Variants in PCNX2 observed in about 807,000 individuals in gnomAD.
PCNX2 encodes the protein pecanex-like protein 2.
In PCNX2, 168 loss-of-function variants were observed where a neutral mutation model predicts 223.8. The observed-to-expected ratio is 0.75, with a 90% confidence interval of 0.66 to 0.85. PCNX2 has a LOEUF of 0.85. Ranked by LOEUF, PCNX2 falls within the 40% of genes least tolerant of loss-of-function variation. The probability of loss-of-function intolerance (pLI) is 0.00; values close to 1 mark genes in which losing one functional copy is unlikely to be tolerated. For missense variants in PCNX2, 2,507 were observed against 2,675.5 expected (o/e 0.94, Z 1.39); for synonymous variants, 1,006 against 1,052.6 (o/e 0.96, Z 0.86).
chr1:233,004,716 C>A (rs779894783), intron 28 of PCNX2, among the ~76,000 whole-genome samples: 9 of 152,184 alleles, frequency 5.9e-5, no homozygotes, highest in Non-Finnish European at 8.8e-5. Flanking sequence ...TAGACCTGCA[C>A]ATCAGGGAAA....
At chr1:233,226,926 T>A (rs373721634) in intron 10 of PCNX2, among the ~76,000 whole-genome samples, 3 of 152,302 alleles carry the variant, frequency 2.0e-5, no homozygotes, top group African/African-American at 7.2e-5. Context: ...CAAACAAACC[T>A]TAAATACAAA....
rs190513204 is a variant in PCNX2, at chr1:233,014,985, G to A, written c.4840-208C>T. The stretch of plus-strand genomic sequence containing the variant: ...CGGAAAAAAAAATAAAAGTGGAAAA[G>A]TTATTTTAGGAGAGAAAAGGGCCTA... On this transcript the variant is annotated intron_variant, in intron 27 of 33. Coordinates refer to ENST00000258229, the MANE Select transcript of PCNX2 (RefSeq NM_014801.4). Among the ~76,000 whole-genome samples, 120 of 152,266 alleles carry A rather than the reference G, an allele frequency of 7.9e-4. 1 individual carries two copies. Among genetic ancestry groups the A allele is most frequent in the East Asian group, 1.3e-3 (7 of 5,186 alleles).
the PCNX2 span, among the ~76,000 whole-genome samples, chr1:233,327,301 G>A: frequency 6.6e-6 from 1 of 151,744 alleles, no homozygotes; most frequent in African/African-American, 2.4e-5. Context: ...GACCATGTGG[G>A]CGCGGCTCAC....
At chr1:233,268,982 C>T (rs1660491251) in intron 1 of PCNX2, among the ~76,000 whole-genome samples, 1 of 152,228 alleles carries the variant, frequency 6.6e-6, no homozygotes, top group Non-Finnish European at 1.5e-5. Flanking sequence ...AGGCCCAAGG[C>T]TGTGCATGGT....
chr1:233,193,174 G>A (rs887496657), intron 15 of PCNX2, among the ~76,000 whole-genome samples: 2 of 150,116 alleles, frequency 1.3e-5, no homozygotes, highest in Non-Finnish European at 3.0e-5. Flanking sequence ...ATAAATATTT[G>A]TTGATTTCTT....
chr1:233,219,110 T>A (rs1252274379), intron 10 of PCNX2, among the ~76,000 whole-genome samples: 2 of 151,934 alleles, frequency 1.3e-5, no homozygotes, highest in Non-Finnish European at 2.9e-5. Flanking sequence ...GGTGGGGTCA[T>A]CCAGAGGTGG....
intron 25 of PCNX2, among the ~76,000 whole-genome samples, chr1:233,043,466 T>C (rs1048332904): frequency 2.0e-5 from 3 of 152,110 alleles, no homozygotes; most frequent in African/African-American, 7.2e-5. Flanking sequence ...GCAGGTTAGT[T>C]ACATACTTAT....
intron 10 of PCNX2, among the ~76,000 whole-genome samples, chr1:233,220,562 T>C (rs1657307721): frequency 6.6e-6 from 1 of 152,220 alleles, no homozygotes; most frequent in South Asian, 2.1e-4. Context: ...TTTCATATGC[T>C]TATTTGTCAT....
chr1:233,032,845 T>C (rs1218706762), intron 25 of PCNX2: 3 of 410,550 alleles, frequency 7.3e-6, no homozygotes, highest in Admixed American at 6.4e-5. Flanking sequence ...CTGCCAACAG[T>C]TGAAAAGCTT....
intron 17 of PCNX2, chr1:233,167,636 A>G (rs1223434801): frequency 1.5e-6 from 1 of 676,396 alleles, no homozygotes. Flanking sequence ...TATAGTAACC[A>G]TTTTACTATC....
rs71173255 is a variant in PCNX2 at position 233,208,826 on chromosome 1, CAAAAAAAAAAAAAAA to C, written c.2692-152_2692-138del. 8 of 59,616 alleles carry C rather than the reference CAAAAAAAAAAAAAAA, an allele frequency of 1.3e-4. 2 individuals carry two copies. The East Asian group carries it at 2.5e-3, about 18-fold the overall frequency. The allele number at this position is 59,616 out of a possible 1,614,324, so 3.7% of individuals were successfully genotyped here. A position where few individuals can be genotyped will look rare whatever the true frequency, so the allele number is the denominator to read the frequency against. Reference sequence around the variant, plus strand: ...TCCCCCAAACACCACAATTCATATACAAAAAAAAAAAAAAAAAAAAAAAAACAGGAAAAAAAGAAA... The same window carrying C: ...TCCCCCAAACACCACAATTCATATACAAAAAAAAAACAGGAAAAAAAGAAA... On this transcript the variant is annotated intron_variant, in intron 12 of 33. Coordinates refer to ENST00000258229, the MANE Select transcript of PCNX2 (RefSeq NM_014801.4).
intron 17 of PCNX2, among the ~76,000 whole-genome samples, chr1:233,161,565 C>G (rs1323461194): frequency 6.6e-6 from 1 of 151,918 alleles, no homozygotes; most frequent in Non-Finnish European, 1.5e-5. Context: ...CTAAGGTGGG[C>G]TGGGGGAGAG....
Position 233,295,090 on chromosome 1 carries a change from C to A in PCNX2, c.153+236G>T, listed in dbSNP as rs773507646. ...CTCATCCTAACATCCGGCATCAATT[C>A]TTAATGAGTCCCCGAGCCCCCGCAG... On this transcript the variant is annotated intron_variant, in intron 1 of 33. Transcript: ENST00000258229. This position sits in a 1 kb window ranked among gnomAD's most constrained non-coding sequence, Gnocchi z 4.1. Among the ~76,000 whole-genome samples the A allele has an allele frequency of 2.6e-5, 4 of 152,176 alleles. No homozygotes were observed. The highest frequency in any genetic ancestry group is 6.5e-5 in the Admixed American group (1 of 15,286).
chr1:233,211,676 C>T (rs1681826289), intron 12 of PCNX2: 1 of 659,822 alleles, frequency 1.5e-6, no homozygotes, highest in South Asian at 6.8e-5. Context: ...GGACTGGAGC[C>T]CCATTTGCCT....
chr1:233,112,614 C>G (rs188575108), intron 21 of PCNX2, among the ~76,000 whole-genome samples: 5 of 152,362 alleles, frequency 3.3e-5, no homozygotes, highest in African/African-American at 1.2e-4. Flanking sequence ...AGAATTCTCT[C>G]TTTCAGCAGA....
upstream of PCNX2, among the ~76,000 whole-genome samples, chr1:233,297,011 A>G (rs747302497): frequency 2.0e-5 from 3 of 152,272 alleles, no homozygotes; most frequent in Non-Finnish European, 2.9e-5. Context: ...TCAAAATGGA[A>G]TATGGCTGCT....
intron 17 of PCNX2, among the ~76,000 whole-genome samples, chr1:233,161,789 T>C (rs1045424794): frequency 4.6e-5 from 7 of 152,054 alleles, no homozygotes; most frequent in African/African-American, 7.2e-5. Context: ...AAAGTGCTAA[T>C]CATCTCTATG....
intron 27 of PCNX2, 38 bp downstream of exon 27, chr1:233,016,883 T>A: frequency 6.3e-7 from 1 of 1,582,894 alleles, no homozygotes; most frequent in Non-Finnish European, 8.7e-7. Flanking sequence ...TTTATTAAAC[T>A]TACATTCCAT....
At chr1:233,103,170 T>C (rs1674588450) in intron 21 of PCNX2, among the ~76,000 whole-genome samples, 1 of 152,134 alleles carries the variant, frequency 6.6e-6, no homozygotes. Flanking sequence ...TAGGTGTATA[T>C]ATTTATGGGA....
Sources: allele counts gnomAD v4.1 joint callset (sites outside exome capture counted in the v4.1 genomes callset), GRCh38; gene constraint gnomAD v4.1.1; non-coding constraint Gnocchi (gnomAD v3.1); transcripts MANE v1.5; gene names NCBI Gene and HGNC (gene_info 2026-07-23, HGNC 2026-07-21).